Variants in ASAP1 observed in about 807,000 individuals in gnomAD.
The protein encoded by ASAP1 is ArfGAP with SH3 domain, ankyrin repeat and PH domain 1.
ASAP1 carries 43 observed loss-of-function variants against 145.2 expected under a neutral mutation model. The observed-to-expected ratio is 0.30, with a 90% CI of 0.23 to 0.38. The LOEUF is 0.38. ASAP1 is among the 10% of genes least tolerant of loss of function. ASAP1 has a pLI of 1.00. For missense variants in ASAP1, 1,018 were observed against 1,355.3 expected (o/e 0.75, Z 3.91); for synonymous variants, 546 against 515.5 (o/e 1.06, Z -0.80).
intron 27 of ASAP1, among the ~76,000 whole-genome samples, chr8:130,074,115 T>TA (rs398068270): frequency 0.043 from 6,288 of 146,110 alleles, 427 homozygotes; most frequent in African/African-American, 0.15. Context: ...AACAAGTTCT[T>TA]AAAAAAAAAA....
At chr8:130,411,583 C>T (rs2138643448) in intron 1 of ASAP1, among the ~76,000 whole-genome samples, 1 of 152,316 alleles carries the variant, frequency 6.6e-6, no homozygotes, top group South Asian at 2.1e-4. Context: ...TTTCTCAGTG[C>T]TGGCTTCTTG....
chr8:130,103,519 T>TC (rs2097532268), intron 24 of ASAP1, among the ~76,000 whole-genome samples: 1 of 152,160 alleles, frequency 6.6e-6, no homozygotes, highest in Non-Finnish European at 1.5e-5. Context: ...TTTATTTTTT[T>TC]TGAGATGGAG....
rs150778857 is a variant in ASAP1, at chr8:130,401,768, C to G, written c.59+117G>C. 133 of 906,710 alleles carry G rather than the reference C, an allele frequency of 1.5e-4. No individual in the cohort carries two copies. In the African/African-American group the frequency reaches 1.9e-3, roughly 13 times the overall value. The allele number at this position is 906,710 out of a possible 1,614,324, so 56.2% of individuals were successfully genotyped here. ...CTCCAATAACAATCGTGCACACAGT[C>G]TCTGTTAGATTCCAGTGCTTGTGTT... is the stretch of plus-strand genomic sequence containing the variant. On this transcript the variant is annotated intron_variant, in intron 2 of 29. Coordinates refer to ENST00000518721, the MANE Select transcript of ASAP1 (RefSeq NM_018482.4).
chr8:130,268,774 G>T (rs1166014120), intron 3 of ASAP1, among the ~76,000 whole-genome samples: 4 of 152,100 alleles, frequency 2.6e-5, no homozygotes, highest in African/African-American at 9.7e-5. Context: ...AGGCATTCAG[G>T]CTCCTTGATA....
chr8:130,326,014 T>C (rs1824302707), intron 3 of ASAP1, among the ~76,000 whole-genome samples: 1 of 152,214 alleles, frequency 6.6e-6, no homozygotes, highest in African/African-American at 2.4e-5. Flanking sequence ...GGAGAAAATT[T>C]AAGTAAACTG....
chr8:130,159,360 C>T (rs2097664469), intron 12 of ASAP1, among the ~76,000 whole-genome samples: 1 of 151,864 alleles, frequency 6.6e-6, no homozygotes, highest in African/African-American at 2.4e-5. Flanking sequence ...CGGTGGCTCA[C>T]ACCTAAAATC....
intron 5 of ASAP1, among the ~76,000 whole-genome samples, chr8:130,194,241 T>TA (rs966035021): frequency 1.3e-5 from 2 of 152,100 alleles, no homozygotes; most frequent in Non-Finnish European, 2.9e-5. Flanking sequence ...GTAGGTTAAT[T>TA]AAAAAAACCA....
At chr8:130,364,158 T>A (rs1303478037) in intron 2 of ASAP1, among the ~76,000 whole-genome samples, 2 of 152,228 alleles carry the variant, frequency 1.3e-5, no homozygotes, top group African/African-American at 4.8e-5. Context: ...GAGAAGAACA[T>A]GGTTTGTTTG....
intron 18 of ASAP1, 121 bp downstream of exon 18, chr8:130,123,892 T>C: frequency 6.0e-6 from 4 of 668,606 alleles, no homozygotes; most frequent in South Asian, 1.8e-5. Flanking sequence ...CCTCCCAAAG[T>C]GCTGGGATTA....
chr8:130,204,220 C>T (rs1453235085), intron 5 of ASAP1, among the ~76,000 whole-genome samples: 2 of 152,110 alleles, frequency 1.3e-5, no homozygotes, highest in East Asian at 1.9e-4. Flanking sequence ...CTAGGTTGCA[C>T]GCTACTTATG....
intron 3 of ASAP1, among the ~76,000 whole-genome samples, chr8:130,260,070 T>C (rs1819802310): frequency 6.6e-6 from 1 of 152,234 alleles, no homozygotes; most frequent in Admixed American, 6.5e-5. Context: ...TTATACATTG[T>C]CCAGTTATGG....
intron 24 of ASAP1, among the ~76,000 whole-genome samples, chr8:130,105,909 A>G (rs1219119717): frequency 6.6e-6 from 1 of 152,214 alleles, no homozygotes; most frequent in Non-Finnish European, 1.5e-5. Context: ...TGACACTGAT[A>G]ATTAAGAAGA....
intron 27 of ASAP1, among the ~76,000 whole-genome samples, chr8:130,070,731 T>C (rs1023782055): frequency 1.3e-5 from 2 of 150,068 alleles, no homozygotes; most frequent in African/African-American, 2.5e-5. Flanking sequence ...AGGCAGTGCC[T>C]AGAAGAGTTC....
At chr8:130,397,749 G>C (rs976158764) in intron 2 of ASAP1, among the ~76,000 whole-genome samples, 19 of 152,358 alleles carry the variant, frequency 1.2e-4, no homozygotes, top group Admixed American at 3.9e-4. Context: ...AAGCACATCT[G>C]TGTTATTTCA....
intron 1 of ASAP1, among the ~76,000 whole-genome samples, chr8:130,416,440 G>C (rs757213650): frequency 6.6e-6 from 1 of 152,158 alleles, no homozygotes; most frequent in Non-Finnish European, 1.5e-5. Flanking sequence ...GGGCACACAC[G>C]GTCATTTCCC....
chr8:130,334,729 G>T (rs1824927058), intron 3 of ASAP1, among the ~76,000 whole-genome samples: 1 of 152,192 alleles, frequency 6.6e-6, no homozygotes, highest in Non-Finnish European at 1.5e-5. Flanking sequence ...CATGTGCCAT[G>T]TCACAGAGTA....
intron 5 of ASAP1, among the ~76,000 whole-genome samples, chr8:130,206,170 T>C (rs1816206860): frequency 1.3e-5 from 2 of 152,248 alleles, no homozygotes; most frequent in Non-Finnish European, 2.9e-5. Context: ...TAATTGGTAG[T>C]GAGGCAGTGA....
chr8:130,071,011 GGAGAGA>G (rs1230151527), intron 27 of ASAP1, among the ~76,000 whole-genome samples: 2 of 11,438 alleles, frequency 1.7e-4, no homozygotes, highest in East Asian at 3.9e-3. Flanking sequence ...GGGGAGGGGG[GGAGAGA>G]GAGAGAGAGA....
At chr8:130,255,428 CTTAATA>C (rs1232561083) in intron 3 of ASAP1, among the ~76,000 whole-genome samples, 11 of 152,256 alleles carry the variant, frequency 7.2e-5, no homozygotes, top group African/African-American at 2.6e-4. Flanking sequence ...GCTTTTTTCA[CTTAATA>C]TTAAACTGCA....
Sources: allele counts gnomAD v4.1 joint callset (sites outside exome capture counted in the v4.1 genomes callset), GRCh38; gene constraint gnomAD v4.1.1; transcripts MANE v1.5; gene names NCBI Gene and HGNC (gene_info 2026-07-23, HGNC 2026-07-21).